GALNT13: variants seen among roughly 807,000 people sequenced by gnomAD.
The protein encoded by GALNT13 is polypeptide N-acetylgalactosaminyltransferase 13, also known as UDP-GalNAc:polypeptide N-acetylgalactosaminyltransferase 13.
Under a neutral mutation model 64.2 loss-of-function variants are expected in GALNT13, and 28 were observed. The observed-to-expected ratio is 0.44, with a 90% CI of 0.32 to 0.60. GALNT13 has a LOEUF of 0.60. Among genes scored for constraint, GALNT13 ranks in the 20% least tolerant of loss-of-function variants. GALNT13 has a pLI of 0.05. For synonymous variants in GALNT13, 214 were observed against 224.6 expected (o/e 0.95, Z 0.42); for missense variants, 577 against 669.8 (o/e 0.86, Z 1.53).
chr2:154,034,579 T>C (rs1190877472), intron 3 of GALNT13, among the ~76,000 whole-genome samples: 1 of 136,726 alleles, frequency 7.3e-6, no homozygotes, highest in Non-Finnish European at 1.5e-5. Context: ...CATCCTTCAC[T>C]ACCCTGTCAC....
chr2:153,332,136 G>A, the GALNT13 span, among the ~76,000 whole-genome samples: 3 of 151,734 alleles, frequency 2.0e-5, no homozygotes, highest in African/African-American at 7.3e-5. Context: ...ATTTTTTGTT[G>A]CGTTGATTCT....
chr2:154,066,685 G>A (rs1029344447), intron 3 of GALNT13, among the ~76,000 whole-genome samples: 13 of 152,060 alleles, frequency 8.5e-5, no homozygotes, highest in African/African-American at 3.1e-4. Flanking sequence ...AAAAACAAAA[G>A]TTGAGGGATT....
intron 9 of GALNT13, among the ~76,000 whole-genome samples, chr2:154,329,084 C>T (rs1429675739): frequency 6.6e-6 from 1 of 151,886 alleles, no homozygotes; most frequent in Non-Finnish European, 1.5e-5. Context: ...TGTTTTTACC[C>T]AGTTTGTGGT....
the GALNT13 span, among the ~76,000 whole-genome samples, chr2:153,712,174 G>A: frequency 2.6e-5 from 4 of 151,968 alleles, no homozygotes; most frequent in South Asian, 2.1e-4. Flanking sequence ...TTATACTTCC[G>A]ATCCTTTTTA....
chr2:154,353,572 T>G (rs1231345201), intron 9 of GALNT13, among the ~76,000 whole-genome samples: 1 of 152,168 alleles, frequency 6.6e-6, no homozygotes, highest in African/African-American at 2.4e-5. Context: ...CTCCCCATTT[T>G]CTCTCCTCCA....
At chr2:153,560,372 C>T in the GALNT13 span, among the ~76,000 whole-genome samples, 1,010 of 152,074 alleles carry the variant, frequency 6.6e-3, 15 homozygotes, top group African/African-American at 0.023. Flanking sequence ...GATTACTTAA[C>T]GCTAGACGAA....
the GALNT13 span, among the ~76,000 whole-genome samples, chr2:153,321,349 G>A: frequency 6.6e-6 from 1 of 152,164 alleles, no homozygotes; most frequent in Non-Finnish European, 1.5e-5. Context: ...GATAGGTGCT[G>A]TGGCCTTGAC....
the GALNT13 span, among the ~76,000 whole-genome samples, chr2:153,294,124 A>T: frequency 1.3e-3 from 178 of 141,198 alleles, no homozygotes; most frequent in Middle Eastern, 0.029. Context: ...CACCTGGCCT[A>T]TCTTTTCTTT....
chr2:153,530,885 A>G, the GALNT13 span, among the ~76,000 whole-genome samples: 1 of 152,218 alleles, frequency 6.6e-6, no homozygotes, highest in African/African-American at 2.4e-5. Context: ...TACAAAAATC[A>G]AATAAAAATT....
At chr2:153,878,366 C>T (rs1002993259) in intron 1 of GALNT13, among the ~76,000 whole-genome samples, 2 of 152,052 alleles carry the variant, frequency 1.3e-5, no homozygotes, top group Admixed American at 1.3e-4. Context: ...TACTCTGAAC[C>T]ACTGTGATAT....
chr2:154,069,625 A>G (rs1700642842), intron 3 of GALNT13, among the ~76,000 whole-genome samples: 1 of 152,072 alleles, frequency 6.6e-6, no homozygotes, highest in African/African-American at 2.4e-5. Context: ...AGCTAGAATA[A>G]TGTTTAAGAA....
chr2:153,846,372 A>G, the GALNT13 span, among the ~76,000 whole-genome samples: 7 of 152,116 alleles, frequency 4.6e-5, no homozygotes, highest in Admixed American at 4.6e-4. Flanking sequence ...AAGAGATAAA[A>G]GTAGAATGTA....
chr2:153,401,936 T>G, the GALNT13 span, among the ~76,000 whole-genome samples: 1 of 150,600 alleles, frequency 6.6e-6, no homozygotes, highest in Non-Finnish European at 1.5e-5. Context: ...CATTTAAAGT[T>G]AATATTGTTA....
At chr2:153,660,808 T>G in the GALNT13 span, among the ~76,000 whole-genome samples, 1 of 151,968 alleles carries the variant, frequency 6.6e-6, no homozygotes, top group Non-Finnish European at 1.5e-5. Context: ...AGGTAGAGCC[T>G]TATCTTGAAA....
chr2:154,109,312 T>A (rs1432923033), intron 3 of GALNT13, among the ~76,000 whole-genome samples: 1 of 152,152 alleles, frequency 6.6e-6, no homozygotes, highest in Non-Finnish European at 1.5e-5. Flanking sequence ...TAAATGCTAC[T>A]GATTTTTGCC....
intron 9 of GALNT13, among the ~76,000 whole-genome samples, chr2:154,355,894 G>C (rs999178744): frequency 2.6e-5 from 4 of 152,126 alleles, no homozygotes; most frequent in Admixed American, 6.6e-5. Context: ...AATTTTCTTA[G>C]TGACAGGAAT....
Position 154,435,437 on chromosome 2 carries a change from T to A in GALNT13, c.1396-3155T>A, listed in dbSNP as rs1425785606. On this transcript the variant is annotated intron_variant, in intron 11 of 12. Transcript: ENST00000392825. ...CTAACTGAGAGTGTCTGTGGAGTAGTGAGATGGAAAAACAAGCAACAGCTA... is the reference window on the plus strand; with the variant it reads ...CTAACTGAGAGTGTCTGTGGAGTAGAGAGATGGAAAAACAAGCAACAGCTA... Among the ~76,000 whole-genome samples the A allele has an allele frequency of 8.5e-5, 13 of 152,072 alleles. No homozygotes were observed. The South Asian group carries it at 1.7e-3, about 19-fold the overall frequency.
chr2:154,255,577 A>G (rs1690326193), intron 7 of GALNT13, among the ~76,000 whole-genome samples: 1 of 152,198 alleles, frequency 6.6e-6, no homozygotes. Flanking sequence ...ATGCTAGACC[A>G]CAATGAGAGG....
chr2:154,223,924 G>A, intron 4 of GALNT13, among the ~76,000 whole-genome samples: 1 of 152,078 alleles, frequency 6.6e-6, no homozygotes, highest in East Asian at 1.9e-4. Flanking sequence ...TGGGAAGGGA[G>A]GAGTTGACAT....
Sources: allele counts gnomAD v4.1 joint callset (sites outside exome capture counted in the v4.1 genomes callset), GRCh38; gene constraint gnomAD v4.1.1; transcripts MANE v1.5; gene names NCBI Gene and HGNC (gene_info 2026-07-23, HGNC 2026-07-21).